The following C8A variants were observed in gnomAD, a reference collection of about 807,000 sequenced individuals.
The protein encoded by C8A is complement C8 alpha chain.
C8A carries 67 observed loss-of-function variants against 65.3 expected under a neutral mutation model. That is an observed-to-expected ratio of 1.03 (90% CI 0.84 to 1.26). C8A has a LOEUF of 1.26. Ranked by LOEUF, C8A falls within the 50% of genes most tolerant of loss-of-function variation. The pLI, the probability that C8A is intolerant of heterozygous loss-of-function variation, is 0.00. For missense variants in C8A, 781 were observed against 723.9 expected (o/e 1.08, Z -0.90); for synonymous variants, 290 against 259.4 (o/e 1.12, Z -1.13).
At chr1:56,898,155 A>G (rs1427102184) in intron 7 of C8A, among the ~76,000 whole-genome samples, 3 of 152,132 alleles carry the variant, frequency 2.0e-5, no homozygotes, top group East Asian at 1.9e-4. Flanking sequence ...AGATTCACTC[A>G]AAGGTTGGAC....
Position 56,891,472 on chromosome 1 carries a change from T to G in C8A, c.1096+5305T>G, listed in dbSNP as rs142169794. Among the ~76,000 whole-genome samples the G allele has an allele frequency of 6.6e-5, 10 of 152,090 alleles. No homozygotes were observed. In the East Asian group the frequency reaches 1.9e-3, roughly 29 times the overall value. On this transcript the variant is annotated intron_variant, in intron 7 of 10. Transcript: ENST00000361249. ...GGCAGTGCTTGGTCTAATCAACGGG[T>G]CAGCAGACCATTCTATTGCCATGTA...
chr1:56,856,782 A>G (rs1331433998), intron 1 of C8A, among the ~76,000 whole-genome samples: 1 of 151,726 alleles, frequency 6.6e-6, no homozygotes, highest in Non-Finnish European at 1.5e-5. Context: ...AAATCAGTGG[A>G]TCTCTATTAC....
chr1:56,861,374 G>A (rs1557695645), intron 1 of C8A, among the ~76,000 whole-genome samples: 1 of 152,168 alleles, frequency 6.6e-6, no homozygotes, highest in Non-Finnish European at 1.5e-5. Context: ...CACATTCGAA[G>A]AGGGACCAAA....
intron 9 of C8A, among the ~76,000 whole-genome samples, chr1:56,910,954 C>A (rs560172619): frequency 1.3e-5 from 2 of 152,114 alleles, no homozygotes; most frequent in South Asian, 2.1e-4. Context: ...AGGTTCCTCT[C>A]CTTAAAATGA....
chr1:56,888,246 T>C (rs762174693), intron 7 of C8A, among the ~76,000 whole-genome samples: 2 of 152,166 alleles, frequency 1.3e-5, no homozygotes, highest in Non-Finnish European at 2.9e-5. Flanking sequence ...GGTTAATACA[T>C]AGTGTTCAAA....
At chr1:56,870,754 A>G (rs1644138936) in intron 2 of C8A, among the ~76,000 whole-genome samples, 1 of 152,006 alleles carries the variant, frequency 6.6e-6, no homozygotes, top group African/African-American at 2.4e-5. Context: ...GAATAGAATT[A>G]TTTCCTTACT....
rs1644516954 is a variant in C8A, at chr1:56,912,510, C to T, written c.1488C>T (p.Ala496=). ...ALDQYLMEFN[A]CRCGPCFNNG... ...ACCAGTATCTGATGGAATTCAATGC[C>T]TGCCGATGTGGGCCTTGCTTCAACA... Residue 496 remains alanine (A), a synonymous_variant, in exon 10 of 11, where the codon GCC becomes GCT. Coordinates refer to ENST00000361249, the MANE Select transcript of C8A (RefSeq NM_000562.3). 3.7e-6 allele frequency: 6 copies of T among 1,614,110 alleles called. No homozygotes were observed. Among genetic ancestry groups the T allele is most frequent in the East Asian group, 2.2e-5 (1 of 44,892 alleles).
intron 1 of C8A, among the ~76,000 whole-genome samples, chr1:56,864,501 G>A (rs1460223235): frequency 2.6e-5 from 4 of 152,172 alleles, no homozygotes; most frequent in African/African-American, 7.2e-5. Flanking sequence ...AGAAGAACAA[G>A]AGGCTGTGGA....
intron 7 of C8A, among the ~76,000 whole-genome samples, chr1:56,895,152 G>T (rs948919090): frequency 6.6e-6 from 1 of 152,046 alleles, no homozygotes; most frequent in South Asian, 2.1e-4. Context: ...TTTAGATTTT[G>T]TATATCTTCC....
intron 7 of C8A, among the ~76,000 whole-genome samples, chr1:56,887,938 A>G (rs1051403944): frequency 6.6e-6 from 1 of 152,164 alleles, no homozygotes. Context: ...AACAATGAGA[A>G]CACATGAATA....
intron 6 of C8A, among the ~76,000 whole-genome samples, chr1:56,885,499 C>T (rs114072022): frequency 0.04 from 3,810 of 96,094 alleles, 272 homozygotes; most frequent in South Asian, 0.14. Context: ...TACGTAAATA[C>T]ATATATATAT....
intron 7 of C8A, among the ~76,000 whole-genome samples, chr1:56,903,655 T>A (rs1644443048): frequency 6.6e-6 from 1 of 152,182 alleles, no homozygotes; most frequent in African/African-American, 2.4e-5. Context: ...TCCAAGGCAT[T>A]GACAAAGGTA....
intron 10 of C8A, among the ~76,000 whole-genome samples, chr1:56,915,508 G>T (rs1644543802): frequency 6.6e-6 from 1 of 152,190 alleles, no homozygotes; most frequent in Non-Finnish European, 1.5e-5. Flanking sequence ...CCCAAGCAGG[G>T]TATGGACTGG....
intron 4 of C8A, among the ~76,000 whole-genome samples, chr1:56,881,241 T>A (rs1644244738): frequency 6.6e-6 from 1 of 152,248 alleles, no homozygotes. Flanking sequence ...CTTGCTTTTC[T>A]AATTCTCTCT....
At chr1:56,908,629 T>C (rs1644484762) in intron 9 of C8A, among the ~76,000 whole-genome samples, 1 of 152,208 alleles carries the variant, frequency 6.6e-6, no homozygotes, top group Non-Finnish European at 1.5e-5. Context: ...AGCTGTGGGT[T>C]GGACTTGGAC....
intron 9 of C8A, 144 bp from the exon 10 acceptor site, chr1:56,912,259 G>T: frequency 1.5e-6 from 1 of 686,532 alleles, no homozygotes. Context: ...TGGCTGTGAG[G>T]ATCCAAGGTG....
intron 8 of C8A, among the ~76,000 whole-genome samples, chr1:56,907,442 A>G (rs1009419123): frequency 2.6e-5 from 4 of 152,098 alleles, no homozygotes; most frequent in African/African-American, 9.7e-5. Flanking sequence ...CTCTCTTTCT[A>G]TCCTCTCTTC....
At chr1:56,885,219 A>T (rs1049393160) in intron 6 of C8A, among the ~76,000 whole-genome samples, 7 of 149,836 alleles carry the variant, frequency 4.7e-5, no homozygotes, top group African/African-American at 1.7e-4. Flanking sequence ...TGCTTGTGAA[A>T]TATAGTAGTA....
chr1:56,881,402 C>T (rs762286348), intron 4 of C8A, 43 bp from the exon 5 acceptor site: 1 of 1,599,114 alleles, frequency 6.3e-7, no homozygotes, highest in Non-Finnish European at 8.6e-7. Flanking sequence ...GGTATAAAAC[C>T]CAGCATCCAC....
Sources: gnomAD v4.1 joint callset for allele counts (sites outside exome capture counted in the v4.1 genomes callset) on GRCh38, gnomAD v4.1.1 for gene constraint, MANE v1.5 for transcripts, NCBI Gene and HGNC (gene_info 2026-07-23, HGNC 2026-07-21) for gene names.